FHOD3: variants seen among roughly 807,000 people sequenced by gnomAD.
FHOD3 encodes the protein formin homology 2 domain containing 3.
In FHOD3, 90 loss-of-function variants were observed where a neutral mutation model predicts 173.0. That is an observed-to-expected ratio of 0.52 (90% CI 0.44 to 0.62). FHOD3 has a LOEUF of 0.62. Ranked by LOEUF, FHOD3 falls within the 20% of genes least tolerant of loss-of-function variation. FHOD3 has a pLI of 0.00. For synonymous variants in FHOD3, 828 were observed against 823.0 expected, an observed-to-expected ratio of 1.01 and a Z score of -0.10; for missense variants, 1,945 against 2,034.7, an observed-to-expected ratio of 0.96 and a Z score of 0.85.
At chr18:36,737,217 G>A (rs890026268) in intron 20 of FHOD3, among the ~76,000 whole-genome samples, 4 of 152,186 alleles carry the variant, frequency 2.6e-5, no homozygotes, top group Admixed American at 2.6e-4. Context: ...AAAAAGAAGA[G>A]TAACTGCTTT....
intron 3 of FHOD3, among the ~76,000 whole-genome samples, chr18:36,432,886 A>G (rs912743949): frequency 2.0e-5 from 3 of 152,218 alleles, no homozygotes; most frequent in African/African-American, 7.2e-5. Context: ...ATGTAAAGCC[A>G]TATCTTTCTG....
chr18:36,515,002 A>G (rs2055884062), intron 5 of FHOD3, among the ~76,000 whole-genome samples: 1 of 152,194 alleles, frequency 6.6e-6, no homozygotes, highest in Non-Finnish European at 1.5e-5. Flanking sequence ...CACAGCTGAG[A>G]AAGCCTTTTC....
intron 1 of FHOD3, among the ~76,000 whole-genome samples, chr18:36,316,026 G>C (rs1038564870): frequency 1.3e-5 from 2 of 151,828 alleles, no homozygotes; most frequent in African/African-American, 2.4e-5. Context: ...GGGAGAAGGA[G>C]GGGTGGCCCC....
At chr18:36,516,638 G>A (rs1186312126) in intron 5 of FHOD3, among the ~76,000 whole-genome samples, 2 of 152,218 alleles carry the variant, frequency 1.3e-5, no homozygotes, top group African/African-American at 2.4e-5. Flanking sequence ...TCCGCTACTT[G>A]GAGGCTGAGG....
intron 20 of FHOD3, 93 bp from the exon 21 acceptor site, chr18:36,740,563 T>C (rs932160449): frequency 7.9e-7 from 1 of 1,269,760 alleles, no homozygotes. Context: ...TACTACCTGG[T>C]TGGAAAATTA....
At chr18:36,768,715 T>A (rs916541362) in intron 27 of FHOD3, among the ~76,000 whole-genome samples, 2 of 152,224 alleles carry the variant, frequency 1.3e-5, no homozygotes, top group Non-Finnish European at 2.9e-5. Context: ...TTTTAAAGGC[T>A]AGATAATTCA....
At chr18:36,458,080 C>T (rs2052324745) in intron 3 of FHOD3, among the ~76,000 whole-genome samples, 1 of 152,138 alleles carries the variant, frequency 6.6e-6, no homozygotes, top group African/African-American at 2.4e-5. Flanking sequence ...TTCACCTCTT[C>T]TATTCCTTCT....
chr18:36,471,400 A>G (rs1214195029), intron 3 of FHOD3, among the ~76,000 whole-genome samples: 1 of 152,140 alleles, frequency 6.6e-6, no homozygotes, highest in East Asian at 1.9e-4. Context: ...GAAGGCTTCA[A>G]AATTGTTATG....
At chr18:36,313,362 A>C (rs1158134987) in intron 1 of FHOD3, among the ~76,000 whole-genome samples, 1 of 152,174 alleles carries the variant, frequency 6.6e-6, no homozygotes, top group Admixed American at 6.5e-5. Context: ...TATATGCATA[A>C]GTTTTTGTGA....
intron 3 of FHOD3, among the ~76,000 whole-genome samples, chr18:36,459,740 G>C (rs1431098686): frequency 1.3e-5 from 2 of 152,148 alleles, no homozygotes; most frequent in Admixed American, 6.5e-5. Context: ...ATAGTACAGA[G>C]AATTCCTTTA....
chr18:36,532,828 G>C (rs1261722647), intron 5 of FHOD3, among the ~76,000 whole-genome samples: 1 of 152,182 alleles, frequency 6.6e-6, no homozygotes, highest in African/African-American at 2.4e-5. Flanking sequence ...TTTTGGAAAA[G>C]GTTCCATTAA....
At chr18:36,468,833 C>G (rs938733328) in intron 3 of FHOD3, among the ~76,000 whole-genome samples, 3 of 152,110 alleles carry the variant, frequency 2.0e-5, no homozygotes, top group African/African-American at 7.2e-5. Flanking sequence ...CAAGCCACCT[C>G]CAGCTGAGAG....
intron 5 of FHOD3, among the ~76,000 whole-genome samples, chr18:36,567,916 G>A (rs962383598): frequency 2.0e-5 from 3 of 152,020 alleles, no homozygotes; most frequent in Non-Finnish European, 4.4e-5. Flanking sequence ...CAGAAGTCTG[G>A]TTTTTCCTTC....
chr18:36,391,822 C>A (rs1216207659), intron 3 of FHOD3, among the ~76,000 whole-genome samples: 1 of 152,156 alleles, frequency 6.6e-6, no homozygotes, highest in Non-Finnish European at 1.5e-5. Flanking sequence ...CCAGACAAAC[C>A]ATGTGGCCCC....
intron 27 of FHOD3, among the ~76,000 whole-genome samples, chr18:36,762,777 A>C (rs2150297842): frequency 6.7e-6 from 1 of 150,348 alleles, no homozygotes; most frequent in Admixed American, 6.6e-5. Flanking sequence ...GCCTGGGCGA[A>C]GAAGCAAGAC....
chr18:36,772,506 C>G (rs924082050), intron 28 of FHOD3, among the ~76,000 whole-genome samples: 1 of 152,264 alleles, frequency 6.6e-6, no homozygotes, highest in Non-Finnish European at 1.5e-5. Context: ...AATAGTTCTG[C>G]TCTTGCAGGA....
intron 5 of FHOD3, among the ~76,000 whole-genome samples, chr18:36,515,052 A>C (rs1199957007): frequency 6.6e-6 from 1 of 152,186 alleles, no homozygotes; most frequent in Non-Finnish European, 1.5e-5. Flanking sequence ...AGCGGCCTGC[A>C]GGCTTTTGAG....
chr18:36,614,936 C>T (rs1447722364), intron 9 of FHOD3, among the ~76,000 whole-genome samples: 1 of 150,786 alleles, frequency 6.6e-6, no homozygotes, highest in Non-Finnish European at 1.5e-5. Context: ...CCGCAACCTC[C>T]ACCTCCCAGG....
chr18:36,765,194 C>G (rs1047461207), intron 27 of FHOD3, among the ~76,000 whole-genome samples: 1 of 152,154 alleles, frequency 6.6e-6, no homozygotes, highest in Non-Finnish European at 1.5e-5. Flanking sequence ...GTCCTGCAGT[C>G]TTTAAACTGA....
Sources: gnomAD v4.1 joint callset for allele counts (sites outside exome capture counted in the v4.1 genomes callset) on GRCh38, gnomAD v4.1.1 for gene constraint, MANE v1.5 for transcripts, NCBI Gene and HGNC (gene_info 2026-07-23, HGNC 2026-07-21) for gene names.